The following COLQ variants were observed in gnomAD, a reference collection of about 807,000 sequenced individuals.
The protein encoded by COLQ is acetylcholinesterase collagenic tail peptide.
In COLQ, 48 loss-of-function variants were observed where a neutral mutation model predicts 69.0. The observed-to-expected ratio is 0.70, with a 90% CI of 0.55 to 0.88. The LOEUF is 0.88. COLQ is among the 40% of genes least tolerant of loss of function. The pLI is 0.00. For missense variants in COLQ, 618 were observed against 594.6 expected (o/e 1.04, Z -0.41); for synonymous variants, 217 against 211.2 (o/e 1.03, Z -0.24).
At chr3:15,463,023 A>G (rs2125097743) in intron 12 of COLQ, among the ~76,000 whole-genome samples, 1 of 152,206 alleles carries the variant, frequency 6.6e-6, no homozygotes, top group East Asian at 1.9e-4. Flanking sequence ...GGCCAGGGAG[A>G]AAAAGTATGA....
rs150639893 is a variant in COLQ at position 15,475,753 on chromosome 3, T to A, written c.466-266A>T. Among the ~76,000 whole-genome samples, 285 of 152,284 alleles carry A rather than the reference T, an allele frequency of 1.9e-3. 1 individual carries two copies. The highest frequency in any genetic ancestry group is 6.8e-3 in the Middle Eastern group (2 of 294). On this transcript the variant is annotated intron_variant, in intron 6 of 16. Coordinates refer to ENST00000383788, the MANE Select transcript of COLQ (RefSeq NM_005677.4). ...CAACTGCTCACTAAGATGTTGTATATGGTAATACTTGGTATTTTCCTAGCG... is the reference window on the plus strand; with the variant it reads ...CAACTGCTCACTAAGATGTTGTATAAGGTAATACTTGGTATTTTCCTAGCG...
At chr3:15,481,126 G>A (rs1002113681) in intron 3 of COLQ, among the ~76,000 whole-genome samples, 1 of 152,174 alleles carries the variant, frequency 6.6e-6, no homozygotes, top group Non-Finnish European at 1.5e-5. Flanking sequence ...TGGGTAGATT[G>A]TAAAAATTTT....
chr3:15,486,940 G>A (rs562879482), intron 3 of COLQ, among the ~76,000 whole-genome samples: 23 of 152,262 alleles, frequency 1.5e-4, no homozygotes, highest in Non-Finnish European at 2.5e-4. Context: ...TGCCTTTGTC[G>A]TGAAAAAGCA....
intron 3 of COLQ, among the ~76,000 whole-genome samples, chr3:15,486,360 T>C (rs903658378): frequency 2.6e-5 from 4 of 152,164 alleles, no homozygotes; most frequent in Non-Finnish European, 5.9e-5. Flanking sequence ...TCCCATATGA[T>C]ACCAATGTTG....
At chr3:15,467,434 A>G (rs1329570726) in intron 11 of COLQ, among the ~76,000 whole-genome samples, 1 of 152,244 alleles carries the variant, frequency 6.6e-6, no homozygotes, top group African/African-American at 2.4e-5. Flanking sequence ...CAAGCCAATT[A>G]TCACAGCAAC....
chr3:15,513,884 G>A (rs192150723), intron 1 of COLQ, among the ~76,000 whole-genome samples: 2 of 152,314 alleles, frequency 1.3e-5, no homozygotes, highest in South Asian at 2.1e-4. Context: ...TTGTAGATAT[G>A]ATTAAATTAA....
chr3:15,452,488 A>G (rs1163563875), intron 16 of COLQ, among the ~76,000 whole-genome samples: 1 of 152,192 alleles, frequency 6.6e-6, no homozygotes, highest in East Asian at 1.9e-4. Flanking sequence ...ATCATCCGAG[A>G]CAGGGCGTTA....
intron 3 of COLQ, among the ~76,000 whole-genome samples, chr3:15,483,578 C>T (rs962461184): frequency 3.9e-5 from 6 of 152,126 alleles, no homozygotes; most frequent in Admixed American, 2.0e-4. Flanking sequence ...GTCTGAGAGA[C>T]AGTTTGTTAT....
chr3:15,475,090 C>A, intron 7 of COLQ, 139 bp from the exon 8 acceptor site: 2 of 927,606 alleles, frequency 2.2e-6, no homozygotes, highest in Non-Finnish European at 3.5e-6. Context: ...GTTGCAGCAC[C>A]AAACACAAAG....
rs552106521 is a variant in COLQ, at chr3:15,452,833, T to C, written c.1298+996A>G. ...CTGGTTGAACATGCTAATATCTGAG[T>C]GTTAGGGAGACCCCCTTGGAAGAGA... On this transcript the variant is annotated intron_variant, in intron 16 of 16. Transcript: ENST00000383788. Among the ~76,000 whole-genome samples the C allele has an allele frequency of 5.9e-5, 9 of 152,072 alleles. No homozygotes were observed. The South Asian group carries it at 1.9e-3, about 32-fold the overall frequency.
At chr3:15,475,387 C>T (rs2062362256) in intron 7 of COLQ, 38 bp downstream of exon 7, 16 of 1,554,040 alleles carry the variant, frequency 1.0e-5, no homozygotes, top group African/African-American at 1.4e-5. Flanking sequence ...CAGAGCCTGA[C>T]AGAGATCTGG....
At chr3:15,456,690 G>C in intron 13 of COLQ, 111 bp from the exon 14 acceptor site, 1 of 1,443,430 alleles carries the variant, frequency 6.9e-7, no homozygotes, top group African/African-American at 1.4e-5. Flanking sequence ...ACAGTGGGAA[G>C]AGGGGTTTGC....
chr3:15,470,308 C>T (rs1373676583), intron 11 of COLQ, among the ~76,000 whole-genome samples: 1 of 152,206 alleles, frequency 6.6e-6, no homozygotes, highest in Non-Finnish European at 1.5e-5. Flanking sequence ...TGCTTCTGGC[C>T]TTGGCACAGT....
At chr3:15,516,450 C>T (rs1437297270) in intron 1 of COLQ, among the ~76,000 whole-genome samples, 1 of 152,202 alleles carries the variant, frequency 6.6e-6, no homozygotes, top group African/African-American at 2.4e-5. Flanking sequence ...TCTGATCTCA[C>T]TCTACAGGAC....
At chr3:15,479,155 CA>C (rs2062433891) in intron 4 of COLQ, 152 bp from the exon 5 acceptor site, 1 of 1,158,478 alleles carries the variant, frequency 8.6e-7, no homozygotes, top group African/African-American at 1.5e-5. Flanking sequence ...TAGGCCACGT[CA>C]AAATACACCA....
intron 1 of COLQ, among the ~76,000 whole-genome samples, chr3:15,509,566 G>A (rs1166142531): frequency 6.6e-6 from 1 of 152,190 alleles, no homozygotes; most frequent in Admixed American, 6.5e-5. Flanking sequence ...TCAGGTGTGA[G>A]CATCCCATGT....
At chr3:15,463,711 C>G (rs142261472) in intron 12 of COLQ, among the ~76,000 whole-genome samples, 4 of 152,216 alleles carry the variant, frequency 2.6e-5, no homozygotes, top group African/African-American at 9.6e-5. Context: ...GAAGGCACAA[C>G]TCAGGCCAAG....
intron 1 of COLQ, among the ~76,000 whole-genome samples, chr3:15,491,097 A>G (rs772388797): frequency 9.3e-4 from 142 of 152,274 alleles, no homozygotes; most frequent in Non-Finnish European, 1.7e-3. Flanking sequence ...ATTTTTCAAG[A>G]TAAACGTTTT....
chr3:15,498,829 G>T, intron 1 of COLQ: 1 of 1,432,458 alleles, frequency 7.0e-7, no homozygotes, highest in Non-Finnish European at 9.1e-7. Context: ...CTGCTGTAGG[G>T]GAGGCTTGGA....
Sources: gnomAD v4.1 joint callset for allele counts (sites outside exome capture counted in the v4.1 genomes callset) on GRCh38, gnomAD v4.1.1 for gene constraint, MANE v1.5 for transcripts, NCBI Gene and HGNC (gene_info 2026-07-23, HGNC 2026-07-21) for gene names.